Variants in SAXO5 observed in about 807,000 individuals in gnomAD.
SAXO5 encodes the protein stabilizer of axonemal microtubules 5, also known as testis expressed 45.
the SAXO5 span, chr19:7,506,535 C>T: frequency 2.7e-6 from 1 of 372,548 alleles, no homozygotes; most frequent in African/African-American, 2.1e-5. Context: ...CTTCCATTGT[C>T]AGACTCTGGC....
At chr19:7,501,481 C>T in the SAXO5 span, 2 of 1,331,724 alleles carry the variant, frequency 1.5e-6, no homozygotes, top group Non-Finnish European at 1.9e-6. Flanking sequence ...CATTCCCCTT[C>T]CCCCAGGGAA....
the SAXO5 span, chr19:7,506,269 C>CATGGAGCCCCGCCCCA: frequency 2.0e-6 from 2 of 1,024,312 alleles, no homozygotes; most frequent in African/African-American, 3.4e-5. Context: ...GCCCCGCCCC[C>CATGGAGCCCCGCCCCA]ACGGAGCCCC....
At chr19:7,501,155 C>A in the SAXO5 span, 1 of 1,510,980 alleles carries the variant, frequency 6.6e-7, no homozygotes, top group South Asian at 1.2e-5. Context: ...TGCAGGCCGG[C>A]AACCTGCACC....
the SAXO5 span, chr19:7,505,933 C>T: frequency 4.5e-6 from 7 of 1,539,304 alleles, no homozygotes; most frequent in Non-Finnish European, 6.1e-6. Context: ...TCTCGGACGC[C>T]GGAGCTTTCA....
the SAXO5 span, chr19:7,506,842 G>GCTC: frequency 7.5e-6 from 3 of 398,758 alleles, no homozygotes; most frequent in Non-Finnish European, 1.4e-5. Context: ...CTCTTTCCCA[G>GCTC]CTCCTCCCTC....
chr19:7,505,722 T>C, the SAXO5 span: 2 of 1,226,596 alleles, frequency 1.6e-6, no homozygotes, highest in Non-Finnish European at 2.4e-6. Context: ...GAGCTTGATA[T>C]GTATGCAGGA....
the SAXO5 span, chr19:7,504,094 C>CTCT: frequency 6.6e-7 from 1 of 1,505,628 alleles, no homozygotes; most frequent in Non-Finnish European, 9.2e-7. Flanking sequence ...CTCTCTCTCT[C>CTCT]CCCCCATCCC....
At chr19:7,500,832 G>A in the SAXO5 span, 1 of 1,493,196 alleles carries the variant, frequency 6.7e-7, no homozygotes, top group Non-Finnish European at 8.9e-7. Flanking sequence ...GATGGCCACA[G>A]GCGCCCTCCT....
At chr19:7,500,925 C>T in the SAXO5 span, 1 of 1,583,750 alleles carries the variant, frequency 6.3e-7, no homozygotes, top group East Asian at 2.3e-5. Context: ...CCTGCGGCTG[C>T]ACGAGGGCAC....
At chr19:7,501,498 G>A in the SAXO5 span, 5 of 1,302,622 alleles carry the variant, frequency 3.8e-6, no homozygotes, top group African/African-American at 7.9e-5. Context: ...GGAACATTTG[G>A]CAATGTCTGG....
At chr19:7,508,239 G>A in the SAXO5 span, 1 of 1,614,010 alleles carries the variant, frequency 6.2e-7, no homozygotes. Flanking sequence ...CCCTCTGGGT[G>A]GACTGCGCTT....
the SAXO5 span, chr19:7,508,139 G>A: frequency 1.5e-6 from 2 of 1,360,142 alleles, no homozygotes; most frequent in Non-Finnish European, 1.0e-6. Context: ...TGGAGATCCT[G>A]GGGTGGACAG....
At chr19:7,497,877 G>A in the SAXO5 span, among the ~76,000 whole-genome samples, 81 of 152,228 alleles carry the variant, frequency 5.3e-4, 1 homozygote, top group African/African-American at 1.9e-3. Flanking sequence ...TCAGCCAGGC[G>A]CGGTGGCTCA....
At chr19:7,500,477 A>T in the SAXO5 span, among the ~76,000 whole-genome samples, 69,049 of 143,672 alleles carry the variant, frequency 0.48, 16,677 homozygotes, top group African/African-American at 0.68. Context: ...AATTTTTTTT[A>T]AAAATTATTT....
chr19:7,498,160 C>CACACACAT, the SAXO5 span, among the ~76,000 whole-genome samples: 1 of 136,094 alleles, frequency 7.3e-6, no homozygotes, highest in African/African-American at 2.9e-5. Flanking sequence ...TTAAAACACA[C>CACACACAT]ACACACACAT....
chr19:7,498,514 A>G, the SAXO5 span, among the ~76,000 whole-genome samples: 4 of 148,494 alleles, frequency 2.7e-5, no homozygotes, highest in Non-Finnish European at 5.9e-5. Flanking sequence ...CTCCTGCCTC[A>G]GCCTCTGGAG....
At chr19:7,507,305 G>A in the SAXO5 span, among the ~76,000 whole-genome samples, 6 of 152,120 alleles carry the variant, frequency 3.9e-5, no homozygotes, top group East Asian at 7.7e-4. Context: ...TAGCTTGGCC[G>A]GGTGCAGTGG....
chr19:7,498,154 AACACACACACACACAT>A, the SAXO5 span, among the ~76,000 whole-genome samples: 25 of 133,562 alleles, frequency 1.9e-4, no homozygotes, highest in African/African-American at 6.9e-4. Flanking sequence ...GTTTCATTAA[AACACACACACACACAT>A]ACACACACAC....
chr19:7,505,355 C>T, the SAXO5 span: 1 of 1,614,128 alleles, frequency 6.2e-7, no homozygotes, highest in Non-Finnish European at 8.5e-7. Context: ...AGCCCACATC[C>T]ACTGTGTAAA....
Sources: gnomAD v4.1 joint callset for allele counts (sites outside exome capture counted in the v4.1 genomes callset) on GRCh38, gnomAD v4.1.1 for gene constraint, MANE v1.5 for transcripts, NCBI Gene and HGNC (gene_info 2026-07-23, HGNC 2026-07-21) for gene names.